MRC1: variants seen among roughly 807,000 people sequenced by gnomAD.
The protein encoded by MRC1 is mannose receptor C-type 1, also known as macrophage mannose receptor 1.
A neutral mutation model predicts 102.9 loss-of-function variants in MRC1; 62 were observed. The ratio of observed to expected loss-of-function variants is 0.60; its 90% CI spans 0.49 to 0.74. The LOEUF is 0.74. Among genes scored for constraint, MRC1 ranks in the 30% least tolerant of loss-of-function variants. The pLI is 0.00. For missense variants in MRC1, 1,237 were observed against 862.8 expected, an observed-to-expected ratio of 1.43 and a Z score of -5.43; for synonymous variants, 457 against 298.4, an observed-to-expected ratio of 1.53 and a Z score of -5.48.
intron 6 of MRC1, among the ~76,000 whole-genome samples, chr10:17,849,291 G>T (rs1838875766): frequency 8.2e-6 from 1 of 121,298 alleles, no homozygotes; most frequent in Non-Finnish European, 1.7e-5. Context: ...AATAGAGGGA[G>T]ACCTTGTCTC....
At chr10:17,825,326 A>G (rs2130595412) in intron 2 of MRC1, among the ~76,000 whole-genome samples, 1 of 152,314 alleles carries the variant, frequency 6.6e-6, no homozygotes. Flanking sequence ...TTGGAAGTTC[A>G]GACTCCAAGA....
chr10:17,854,833 C>A, intron 8 of MRC1: 1 of 161,360 alleles, frequency 6.2e-6, no homozygotes, highest in Non-Finnish European at 1.4e-5. Flanking sequence ...AGATTACAAG[C>A]GTGCACCACC....
intron 1 of MRC1, among the ~76,000 whole-genome samples, chr10:17,820,262 A>G (rs1838375143): frequency 6.6e-6 from 1 of 152,084 alleles, no homozygotes; most frequent in African/African-American, 2.4e-5. Flanking sequence ...GACATGGTAG[A>G]TTTCACTATT....
chr10:17,897,930 G>T (rs1833777825), intron 23 of MRC1, 104 bp from the exon 24 acceptor site: 1 of 769,822 alleles, frequency 1.3e-6, no homozygotes, highest in Non-Finnish European at 2.4e-6. Flanking sequence ...TTGGAGTTAT[G>T]CTACTTTGCT....
intron 3 of MRC1, 103 bp downstream of exon 3, chr10:17,827,818 C>A (rs1209492433): frequency 1.3e-6 from 1 of 748,888 alleles, no homozygotes; most frequent in Non-Finnish European, 2.5e-6. Context: ...AGTTATTTCA[C>A]ATTTACGACC....
intron 1 of MRC1, among the ~76,000 whole-genome samples, chr10:17,816,625 C>T (rs1163773053): frequency 4.6e-5 from 7 of 152,164 alleles, no homozygotes; most frequent in South Asian, 2.1e-4. Context: ...GGGCAAAAGG[C>T]GTGGTGCTGG....
chr10:17,893,840 G>C (rs1229705881), intron 22 of MRC1, among the ~76,000 whole-genome samples: 1 of 152,116 alleles, frequency 6.6e-6, no homozygotes, highest in South Asian at 2.1e-4. Context: ...TAAAAATATG[G>C]TACCTACTTT....
At chr10:17,891,924 A>T (rs879969255) in intron 22 of MRC1, among the ~76,000 whole-genome samples, 5 of 151,822 alleles carry the variant, frequency 3.3e-5, no homozygotes, top group Non-Finnish European at 7.4e-5. Flanking sequence ...TATGATGGGG[A>T]CTCTGACTTT....
intron 25 of MRC1, among the ~76,000 whole-genome samples, chr10:17,901,543 G>A (rs1833829639): frequency 6.6e-6 from 1 of 152,078 alleles, no homozygotes; most frequent in African/African-American, 2.4e-5. Flanking sequence ...ACAAAAACTA[G>A]CTGGGTCTGG....
intron 11 of MRC1, among the ~76,000 whole-genome samples, chr10:17,865,810 T>G (rs1480048014): frequency 6.6e-6 from 1 of 152,168 alleles, no homozygotes; most frequent in Non-Finnish European, 1.5e-5. Flanking sequence ...AGAGAAAATA[T>G]TCTAAAAAAG....
At chr10:17,907,417 T>C in intron 27 of MRC1, 117 bp from the exon 28 acceptor site, 1 of 734,538 alleles carries the variant, frequency 1.4e-6, no homozygotes, top group Admixed American at 1.9e-5. Flanking sequence ...TGGTTATAAA[T>C]GACTATTGAT....
At chr10:17,887,761 T>C (rs932579714) in intron 22 of MRC1, among the ~76,000 whole-genome samples, 42,694 of 152,152 alleles carry the variant, frequency 0.28, 6,707 homozygotes, top group East Asian at 0.42. Context: ...AGATAAAGTT[T>C]ATATTTCACA....
intron 22 of MRC1, among the ~76,000 whole-genome samples, chr10:17,886,420 C>G (rs1833596343): frequency 6.6e-6 from 1 of 151,154 alleles, no homozygotes; most frequent in Non-Finnish European, 1.5e-5. Flanking sequence ...CTGTCAATCT[C>G]TCAACCTATT....
At chr10:17,867,984 C>T (rs1440150721) in intron 12 of MRC1, among the ~76,000 whole-genome samples, 2 of 152,134 alleles carry the variant, frequency 1.3e-5, no homozygotes, top group Non-Finnish European at 2.9e-5. Context: ...TATTCTACCA[C>T]TATTTAATAC....
At chr10:17,853,455 T>TAC (rs1479268885) in intron 8 of MRC1, among the ~76,000 whole-genome samples, 5 of 151,892 alleles carry the variant, frequency 3.3e-5, no homozygotes, top group African/African-American at 1.2e-4. Flanking sequence ...TATATATATA[T>TAC]CCACCAAAGC....
At chr10:17,903,726 C>T (rs1833860762) in intron 26 of MRC1, among the ~76,000 whole-genome samples, 1 of 151,926 alleles carries the variant, frequency 6.6e-6, no homozygotes, top group Non-Finnish European at 1.5e-5. Context: ...GTTTCTTTTA[C>T]TATATATCGT....
At position 17,855,710 on chromosome 10, in the gene MRC1, T is replaced by C. The variant is rs1833079612; in HGVS notation, c.1408-532T>C. Among the ~76,000 whole-genome samples the C allele has an allele frequency of 2.6e-5, 4 of 152,048 alleles. No homozygotes were observed. In the South Asian group the frequency reaches 8.3e-4, roughly 32 times the overall value. ...CTTGGACATCTCAGATATAAAATCA[T>C]ATTGCGGCTCCAATCACTTTTTACA... On this transcript the variant is annotated intron_variant, in intron 8 of 29. Coordinates refer to ENST00000569591, the MANE Select transcript of MRC1 (RefSeq NM_002438.4).
chr10:17,870,596 C>T (rs1449226545), intron 13 of MRC1, among the ~76,000 whole-genome samples: 1 of 152,082 alleles, frequency 6.6e-6, no homozygotes, highest in Non-Finnish European at 1.5e-5. Context: ...GTTCAAGATG[C>T]TTAATACGTA....
chr10:17,827,636 G>C lies in MRC1; in HGVS notation c.558G>C (p.Gly186=). 1 of 780,848 alleles carries C rather than the reference G, an allele frequency of 1.3e-6. No individual in the cohort carries two copies. Among genetic ancestry groups the C allele is most frequent in the South Asian group, 1.3e-5 (1 of 74,606 alleles). The allele number at this position is 780,848 out of a possible 1,614,324, so 48.4% of individuals were successfully genotyped here. A position where few individuals can be genotyped will look rare whatever the true frequency, so the allele number is the denominator to read the frequency against. Residue 186 remains glycine, a synonymous_variant, in exon 3 of 30, where the codon GGG becomes GGC. Coordinates refer to ENST00000569591, the MANE Select transcript of MRC1 (RefSeq NM_002438.4). ...NKWYADCTSA[G]RSDGWLWCGT... ...GGTACGCAGATTGCACGAGTGCTGG[G>C]CGGTCGGATGGATGGCTCTGGTGCG...
Sources: allele counts gnomAD v4.1 joint callset (sites outside exome capture counted in the v4.1 genomes callset), GRCh38; gene constraint gnomAD v4.1.1; transcripts MANE v1.5; gene names NCBI Gene and HGNC (gene_info 2026-07-23, HGNC 2026-07-21).